The following SPATA6 variants were observed in gnomAD, a reference collection of about 807,000 sequenced individuals.
The protein encoded by SPATA6 is spermatogenesis-associated protein 6.
In SPATA6, 56 loss-of-function variants were observed where a neutral mutation model predicts 65.3. The observed-to-expected ratio is 0.86, with a 90% confidence interval of 0.69 to 1.07. SPATA6 has a LOEUF of 1.07. Ranked by LOEUF, SPATA6 falls within the 50% of genes least tolerant of loss-of-function variation. The pLI is 0.00. For synonymous variants in SPATA6, 199 were observed against 213.2 expected (o/e 0.93, Z 0.58); for missense variants, 590 against 594.8 (o/e 0.99, Z 0.08).
chr1:48,388,305 C>T (rs1197213264), intron 8 of SPATA6, among the ~76,000 whole-genome samples: 1 of 151,610 alleles, frequency 6.6e-6, no homozygotes, highest in African/African-American at 2.4e-5. Context: ...AGTGCCCTAC[C>T]CAACCAGTAA....
At chr1:48,376,830 AACTTGTT>A in intron 9 of SPATA6, among the ~76,000 whole-genome samples, 1 of 152,298 alleles carries the variant, frequency 6.6e-6, no homozygotes, top group Non-Finnish European at 1.5e-5. Context: ...AAACCTGTAC[AACTTGTT>A]ACTGTACTGA....
chr1:48,318,562 G>T (rs1052957033), intron 11 of SPATA6, among the ~76,000 whole-genome samples: 2 of 149,952 alleles, frequency 1.3e-5, no homozygotes, highest in Non-Finnish European at 3.0e-5. Flanking sequence ...GAGTAAACTT[G>T]ATTTTTTAAT....
intron 11 of SPATA6, among the ~76,000 whole-genome samples, chr1:48,309,652 A>G (rs1299008035): frequency 6.6e-6 from 1 of 152,182 alleles, no homozygotes; most frequent in Non-Finnish European, 1.5e-5. Context: ...CCTCAAGGAC[A>G]GTTCCTATTC....
chr1:48,365,726 A>G (rs1244034456), intron 9 of SPATA6, among the ~76,000 whole-genome samples: 3 of 152,222 alleles, frequency 2.0e-5, no homozygotes, highest in African/African-American at 2.4e-5. Flanking sequence ...ATATACAATC[A>G]TGTCATCTGC....
At position 48,353,845 on chromosome 1, in the gene SPATA6, T is replaced by C. The variant is rs572696127; in HGVS notation, c.1194+1825A>G. ...GAAGACATAGGAGAAAGTCTTAAAGTAGACAAAAACTATAAAAATGCTAAT... is the reference window on the plus strand; with the variant it reads ...GAAGACATAGGAGAAAGTCTTAAAGCAGACAAAAACTATAAAAATGCTAAT... On this transcript the variant is annotated intron_variant, in intron 11 of 12. Transcript: ENST00000371847. Among the ~76,000 whole-genome samples, 82 of 152,000 alleles carry C rather than the reference T, an allele frequency of 5.4e-4. 1 individual carries two copies. The South Asian group carries it at 0.017, about 31-fold the overall frequency.
At chr1:48,314,581 A>G (rs1381063086) in intron 11 of SPATA6, among the ~76,000 whole-genome samples, 1 of 152,234 alleles carries the variant, frequency 6.6e-6, no homozygotes, top group Non-Finnish European at 1.5e-5. Flanking sequence ...TGCCCACAAG[A>G]GAAAGCAGGA....
At chr1:48,422,880 TC>T (rs1653479580) in intron 3 of SPATA6, among the ~76,000 whole-genome samples, 1 of 152,176 alleles carries the variant, frequency 6.6e-6, no homozygotes, top group Non-Finnish European at 1.5e-5. Context: ...TAAGTATATC[TC>T]TTTACCAAAA....
downstream of SPATA6, among the ~76,000 whole-genome samples, chr1:48,294,134 T>C (rs1644785712): frequency 6.6e-6 from 1 of 152,198 alleles, no homozygotes; most frequent in Non-Finnish European, 1.5e-5. Context: ...TGAAGTGCAG[T>C]GGCACAGTCT....
intron 1 of SPATA6, among the ~76,000 whole-genome samples, chr1:48,458,349 G>T (rs190878712): frequency 6.6e-6 from 1 of 152,112 alleles, no homozygotes; most frequent in Non-Finnish European, 1.5e-5. Flanking sequence ...GCCATAAAAA[G>T]AAATAAACTA....
At chr1:48,318,359 A>G (rs1316303328) in intron 11 of SPATA6, among the ~76,000 whole-genome samples, 2 of 152,166 alleles carry the variant, frequency 1.3e-5, no homozygotes, top group Non-Finnish European at 2.9e-5. Flanking sequence ...AGATAAGATG[A>G]TTCTGTATTT....
chr1:48,266,783 C>T, the SPATA6 span, among the ~76,000 whole-genome samples: 1 of 152,214 alleles, frequency 6.6e-6, no homozygotes, highest in Admixed American at 6.5e-5. Context: ...AGATTATCAA[C>T]AAAAACCTCT....
intron 3 of SPATA6, among the ~76,000 whole-genome samples, chr1:48,430,150 C>G (rs1346027498): frequency 6.6e-6 from 1 of 152,054 alleles, no homozygotes; most frequent in Non-Finnish European, 1.5e-5. Flanking sequence ...GCTCAACAAA[C>G]TCCAAGAAAG....
intron 9 of SPATA6, among the ~76,000 whole-genome samples, chr1:48,366,180 G>C (rs867411081): frequency 6.6e-6 from 1 of 152,136 alleles, no homozygotes; most frequent in Admixed American, 6.5e-5. Flanking sequence ...TTGATGTGCT[G>C]CTGGATTCGG....
chr1:48,347,718 C>T (rs142557845), intron 11 of SPATA6, among the ~76,000 whole-genome samples: 2 of 151,806 alleles, frequency 1.3e-5, no homozygotes, highest in Admixed American at 6.6e-5. Flanking sequence ...TTTCCAACTG[C>T]TCCTGTAGGT....
chr1:48,348,869 T>G (rs1646441691), intron 11 of SPATA6, among the ~76,000 whole-genome samples: 1 of 152,074 alleles, frequency 6.6e-6, no homozygotes, highest in African/African-American at 2.4e-5. Context: ...TCCTCCTGGC[T>G]TCTTTGTACA....
At chr1:48,343,842 A>T (rs1409351339) in intron 11 of SPATA6, among the ~76,000 whole-genome samples, 4 of 152,184 alleles carry the variant, frequency 2.6e-5, no homozygotes, top group African/African-American at 9.6e-5. Context: ...TTTATGTTAA[A>T]CTTTAGTAAG....
intron 3 of SPATA6, among the ~76,000 whole-genome samples, chr1:48,437,792 C>CT (rs144612305): frequency 0.31 from 46,552 of 149,676 alleles, 8,750 homozygotes; most frequent in Middle Eastern, 0.44. Context: ...TTGTAATTTG[C>CT]TTTTTTTTAA....
At chr1:48,336,651 G>A (rs1570180143) in intron 11 of SPATA6, among the ~76,000 whole-genome samples, 3 of 151,506 alleles carry the variant, frequency 2.0e-5, no homozygotes, top group African/African-American at 7.3e-5. Flanking sequence ...TAAGAGGAGA[G>A]AGAAGTTCAA....
At chr1:48,444,382 A>G (rs934649765) in intron 3 of SPATA6, among the ~76,000 whole-genome samples, 7 of 152,026 alleles carry the variant, frequency 4.6e-5, no homozygotes, top group African/African-American at 1.7e-4. Flanking sequence ...ACCAATCAGC[A>G]CTCTTTAAAA....
Sources: allele counts gnomAD v4.1 joint callset (sites outside exome capture counted in the v4.1 genomes callset), GRCh38; gene constraint gnomAD v4.1.1; transcripts MANE v1.5; gene names NCBI Gene and HGNC (gene_info 2026-07-23, HGNC 2026-07-21).